The following DIP2B variants were observed in gnomAD, a reference collection of about 807,000 sequenced individuals.
The protein encoded by DIP2B is disco-interacting protein 2 homolog B.
A neutral mutation model predicts 198.0 loss-of-function variants in DIP2B; 76 were observed. That is an observed-to-expected ratio of 0.38 (90% CI 0.32 to 0.46). The LOEUF is 0.46. Ranked by LOEUF, DIP2B falls within the 20% of genes least tolerant of loss-of-function variation. The pLI is 0.99. For synonymous variants in DIP2B, 701 were observed against 739.1 expected, an observed-to-expected ratio of 0.95 and a Z score of 0.84; for missense variants, 1,559 against 1,978.4, an observed-to-expected ratio of 0.79 and a Z score of 4.02.
chr12:50,720,427 T>C (rs1939814009), intron 25 of DIP2B, among the ~76,000 whole-genome samples: 1 of 113,112 alleles, frequency 8.8e-6, no homozygotes, highest in South Asian at 2.9e-4. Context: ...TGGAATCTGA[T>C]TTTTTTTTTT....
chr12:50,555,878 G>A (rs961349404), intron 1 of DIP2B, among the ~76,000 whole-genome samples: 1 of 151,968 alleles, frequency 6.6e-6, no homozygotes, highest in Non-Finnish European at 1.5e-5. Context: ...ACTGATATAC[G>A]AAACACACAT....
intron 1 of DIP2B, among the ~76,000 whole-genome samples, chr12:50,529,167 A>G (rs1958193560): frequency 6.6e-6 from 1 of 152,140 alleles, no homozygotes; most frequent in African/African-American, 2.4e-5. Flanking sequence ...TGTAGTCCCA[A>G]AATAGTCCCA....
intron 1 of DIP2B, among the ~76,000 whole-genome samples, chr12:50,616,831 A>G (rs1256610101): frequency 1.3e-5 from 2 of 152,212 alleles, no homozygotes; most frequent in Non-Finnish European, 2.9e-5. Context: ...TATAATAATG[A>G]AATTTTTGTC....
intron 34 of DIP2B, 78 bp downstream of exon 34, chr12:50,735,208 A>G (rs1940115562): frequency 1.3e-6 from 2 of 1,517,718 alleles, no homozygotes; most frequent in Admixed American, 3.4e-5. Context: ...GAAGCCATAT[A>G]ATATATTAGT....
At chr12:50,647,496 C>T (rs1938370840) in intron 3 of DIP2B, among the ~76,000 whole-genome samples, 1 of 152,190 alleles carries the variant, frequency 6.6e-6, no homozygotes, top group African/African-American at 2.4e-5. Flanking sequence ...CCACCCTGCA[C>T]AGAGTAGTGC....
At chr12:50,664,301 A>G (rs1394404192) in intron 4 of DIP2B, among the ~76,000 whole-genome samples, 2 of 152,242 alleles carry the variant, frequency 1.3e-5, no homozygotes, top group Non-Finnish European at 2.9e-5. Context: ...TCTTTTGTTC[A>G]CAAATCACCT....
At chr12:50,605,601 T>C (rs571178976) in intron 1 of DIP2B, among the ~76,000 whole-genome samples, 1 of 152,088 alleles carries the variant, frequency 6.6e-6, no homozygotes, top group Non-Finnish European at 1.5e-5. Flanking sequence ...AGCAGTCAAT[T>C]CCCTTTCCCC....
intron 1 of DIP2B, among the ~76,000 whole-genome samples, chr12:50,608,407 A>G (rs1008398732): frequency 1.3e-5 from 2 of 152,110 alleles, no homozygotes; most frequent in Non-Finnish European, 2.9e-5. Flanking sequence ...GGATCACATG[A>G]GGCCAGGAGT....
intron 23 of DIP2B, 117 bp from the exon 24 acceptor site, chr12:50,718,592 T>G: frequency 1.2e-6 from 1 of 856,764 alleles, no homozygotes; most frequent in Non-Finnish European, 1.9e-6. Flanking sequence ...CCTAGAAGAG[T>G]GTTCAGGCAG....
At chr12:50,536,882 T>C (rs183208414) in intron 1 of DIP2B, among the ~76,000 whole-genome samples, 2 of 149,526 alleles carry the variant, frequency 1.3e-5, no homozygotes, top group African/African-American at 4.9e-5. Flanking sequence ...TTTTTTTTAA[T>C]GTTGAACTGT....
chr12:50,645,651 A>G (rs1938336881), intron 3 of DIP2B, among the ~76,000 whole-genome samples: 1 of 151,856 alleles, frequency 6.6e-6, no homozygotes, highest in African/African-American at 2.4e-5. Context: ...TAGAGATGGG[A>G]TCTCACTTTG....
chr12:50,566,046 C>G (rs1958560592), intron 1 of DIP2B, among the ~76,000 whole-genome samples: 1 of 151,670 alleles, frequency 6.6e-6, no homozygotes, highest in South Asian at 2.1e-4. Context: ...AGTACTTTTT[C>G]TTTTCTTTTT....
chr12:50,534,529 C>T (rs1032013522), intron 1 of DIP2B, among the ~76,000 whole-genome samples: 7 of 152,002 alleles, frequency 4.6e-5, no homozygotes, highest in African/African-American at 1.4e-4. Flanking sequence ...TGAGCCACCA[C>T]GCCCGGCTAA....
At chr12:50,699,289 A>G in intron 19 of DIP2B, 87 bp downstream of exon 19, 2 of 1,559,378 alleles carry the variant, frequency 1.3e-6, no homozygotes, top group Middle Eastern at 1.7e-4. Context: ...GGGACATAGC[A>G]TAACATGTGG....
At chr12:50,580,124 C>T (rs1174806314) in intron 1 of DIP2B, among the ~76,000 whole-genome samples, 5 of 148,840 alleles carry the variant, frequency 3.4e-5, no homozygotes, top group African/African-American at 1.2e-4. Flanking sequence ...GGACTTGAAT[C>T]CACAGTGAGA....
chr12:50,639,601 T>C (rs974615875), intron 2 of DIP2B, among the ~76,000 whole-genome samples: 1 of 152,154 alleles, frequency 6.6e-6, no homozygotes, highest in Non-Finnish European at 1.5e-5. Context: ...CTTTTTTTTT[T>C]TTCCTTAATT....
At chr12:50,640,646 T>G in intron 2 of DIP2B, 78 bp from the exon 3 acceptor site, 401 of 1,506,654 alleles carry the variant, frequency 2.7e-4, no homozygotes, top group Non-Finnish European at 3.4e-4. Context: ...CAGAGTATTG[T>G]GAGAATGCTT....
At position 50,671,437 on chromosome 12, in the gene DIP2B, C is replaced by G. The variant is rs1938852711; in HGVS notation, c.640+39C>G. The G allele has an allele frequency of 3.8e-6, 6 of 1,592,286 alleles. No homozygotes were observed. In the South Asian group the frequency reaches 5.5e-5, roughly 15 times the overall value. On this transcript the variant is annotated intron_variant, in intron 5 of 37. Coordinates refer to ENST00000301180, the MANE Select transcript of DIP2B (RefSeq NM_173602.3). ...CTACCCAAGAAGCCCAAATTACATT[C>G]CATTTGGCTCCCAGTATCCAGGAAA...
chr12:50,703,168 A>G (rs994805374), intron 19 of DIP2B, among the ~76,000 whole-genome samples: 1 of 151,548 alleles, frequency 6.6e-6, no homozygotes, highest in African/African-American at 2.4e-5. Flanking sequence ...GGCTGCAGTG[A>G]ATTATGATTG....
Sources: allele counts gnomAD v4.1 joint callset (sites outside exome capture counted in the v4.1 genomes callset), GRCh38; gene constraint gnomAD v4.1.1; transcripts MANE v1.5; gene names NCBI Gene and HGNC (gene_info 2026-07-23, HGNC 2026-07-21).